DDX6: variants seen among roughly 807,000 people sequenced by gnomAD.
DDX6 encodes the protein probable ATP-dependent RNA helicase DDX6.
In DDX6, 7 loss-of-function variants were observed where a neutral mutation model predicts 60.6. The observed-to-expected ratio is 0.12, with a 90% CI of 0.07 to 0.22. DDX6 has a LOEUF of 0.22. Ranked by LOEUF, DDX6 falls within the 10% of genes least tolerant of loss-of-function variation. The pLI is 1.00. For synonymous variants in DDX6, 207 were observed against 201.0 expected (o/e 1.03, Z -0.25); for missense variants, 270 against 589.9 (o/e 0.46, Z 5.62).
At chr11:118,752,434 TTTAAC>T (rs1179568078) in intron 13 of DDX6, among the ~76,000 whole-genome samples, 2 of 152,144 alleles carry the variant, frequency 1.3e-5, no homozygotes, top group Non-Finnish European at 2.9e-5. Context: ...GTGTTTGATG[TTTAAC>T]TTAAGGAAAA....
At chr11:118,780,995 G>C in intron 3 of DDX6, 126 bp downstream of exon 3, 1 of 617,318 alleles carries the variant, frequency 1.6e-6, no homozygotes. Flanking sequence ...ATCTTACTGG[G>C]TTGGAGGAGG....
intron 9 of DDX6, 41 bp downstream of exon 9, chr11:118,758,733 A>C: frequency 6.2e-7 from 1 of 1,605,274 alleles, no homozygotes; most frequent in African/African-American, 1.3e-5. Context: ...TTTTACTGGG[A>C]CTCGAGAGAT....
intron 7 of DDX6, among the ~76,000 whole-genome samples, chr11:118,760,396 G>A (rs918561042): frequency 2.6e-5 from 4 of 152,142 alleles, no homozygotes; most frequent in African/African-American, 9.7e-5. Context: ...TGAACTTCCT[G>A]GGCTCAAGTG....
At chr11:118,760,471 C>T (rs116050734) in intron 7 of DDX6, among the ~76,000 whole-genome samples, 15 of 152,230 alleles carry the variant, frequency 9.9e-5, no homozygotes, top group African/African-American at 3.4e-4. Context: ...CCCAGCTCCA[C>T]AACAGAATTT....
At chr11:118,773,905 T>G (rs1591912015) in intron 4 of DDX6, among the ~76,000 whole-genome samples, 1 of 151,362 alleles carries the variant, frequency 6.6e-6, no homozygotes, top group South Asian at 2.1e-4. Flanking sequence ...AACCTTTGAG[T>G]TTTTAGGAAA....
At chr11:118,780,840 G>C (rs1268442845) in intron 3 of DDX6, among the ~76,000 whole-genome samples, 1 of 152,092 alleles carries the variant, frequency 6.6e-6, no homozygotes, top group African/African-American at 2.4e-5. Context: ...CCCCCCTATT[G>C]ATGATAAGCA....
chr11:118,786,411 C>G lies in DDX6; in HGVS notation c.-160G>C. 3.8e-6 allele frequency: 2 copies of G among 520,470 alleles called. No individual in the cohort carries two copies. The highest frequency in any genetic ancestry group is 6.5e-6 in the Non-Finnish European group (2 of 307,738). The allele number at this position is 520,470 out of a possible 1,614,324, so 32.2% of individuals were successfully genotyped here. A position where few individuals can be genotyped will look rare whatever the true frequency, so the allele number is the denominator to read the frequency against. The stretch of plus-strand genomic sequence containing the variant: ...GCAATGCAGGCAAGCACCTGTAAGT[C>G]TCTGAACGGTAAGCAGCAGTAACTT... On this transcript the variant is annotated 5_prime_UTR_variant, in exon 2 of 14. Coordinates refer to ENST00000534980, the MANE Select transcript of DDX6 (RefSeq NM_004397.6).
chr11:118,760,158 CT>C, intron 7 of DDX6, 114 bp from the exon 8 acceptor site: 1 of 1,014,068 alleles, frequency 9.9e-7, no homozygotes, highest in Non-Finnish European at 1.4e-6. Flanking sequence ...TGAAATGTTC[CT>C]GGTGGAAAAC....
At chr11:118,789,395 A>T (rs1862191260) in intron 1 of DDX6, 1 of 152,090 alleles carries the variant, frequency 6.6e-6, no homozygotes, top group Non-Finnish European at 1.5e-5. Context: ...TACATTTCTT[A>T]TATAAAATAC....
intron 4 of DDX6, among the ~76,000 whole-genome samples, chr11:118,779,049 A>T (rs1555164137): frequency 6.6e-6 from 1 of 150,886 alleles, no homozygotes; most frequent in Non-Finnish European, 1.5e-5. Flanking sequence ...CCCAGCTACT[A>T]GGAGGCTGAC....
At position 118,755,381 on chromosome 11, in the gene DDX6, TATCAC is replaced by T; in HGVS notation, c.1276+16_1276+20del. 6.7e-7 allele frequency: 1 copy of T among 1,485,414 alleles called. No homozygotes were observed. The highest frequency in any genetic ancestry group is 9.4e-7 in the Non-Finnish European group (1 of 1,066,450). The allele number at this position is 1,485,414 out of a possible 1,614,324, so 92.0% of individuals were successfully genotyped here. A position where few individuals can be genotyped will look rare whatever the true frequency, so the allele number is the denominator to read the frequency against. The stretch of plus-strand genomic sequence containing the variant: ...CTCAAAAAAGAACTTCTACCAAGAA[TATCAC>T]CTCTTTTTTCCTCACCTGATCTTCC... On this transcript the variant is annotated intron_variant, in intron 12 of 13. Coordinates refer to ENST00000534980, the MANE Select transcript of DDX6 (RefSeq NM_004397.6).
chr11:118,780,901 G>A (rs556089972), intron 3 of DDX6, among the ~76,000 whole-genome samples: 12 of 152,174 alleles, frequency 7.9e-5, no homozygotes, highest in Admixed American at 1.3e-4. Context: ...AAATTCTCCC[G>A]GTTGAAAACA....
intron 2 of DDX6, among the ~76,000 whole-genome samples, chr11:118,781,579 CA>C (rs1347735398): frequency 6.6e-6 from 1 of 152,166 alleles, no homozygotes; most frequent in Non-Finnish European, 1.5e-5. Context: ...CTCGGCCTCC[CA>C]AAGTGATAGG....
chr11:118,776,850 G>GA (rs1175342994), intron 4 of DDX6, among the ~76,000 whole-genome samples: 27 of 146,954 alleles, frequency 1.8e-4, no homozygotes, highest in South Asian at 1.1e-3. Context: ...AAAAAAGAAA[G>GA]AAAAAAAAAG....
chr11:118,784,647 C>T (rs7934890), intron 2 of DDX6, among the ~76,000 whole-genome samples: 33,735 of 151,878 alleles, frequency 0.22, 3,934 homozygotes, highest in South Asian at 0.33. Context: ...TTAGTAAAGA[C>T]AGGGTTTCAC....
At chr11:118,769,159 T>C (rs2137479877) in intron 4 of DDX6, among the ~76,000 whole-genome samples, 1 of 151,948 alleles carries the variant, frequency 6.6e-6, no homozygotes, top group Non-Finnish European at 1.5e-5. Flanking sequence ...ACAAAAACAA[T>C]TCCAAGGTAA....
At chr11:118,765,101 G>T in intron 6 of DDX6, 108 bp downstream of exon 6, 1 of 1,283,800 alleles carries the variant, frequency 7.8e-7, no homozygotes, top group Non-Finnish European at 1.1e-6. Context: ...TTTTCTTACT[G>T]CAGTATTTCT....
At chr11:118,768,974 CCTCGT>C (rs1415193003) in intron 4 of DDX6, among the ~76,000 whole-genome samples, 1 of 103,368 alleles carries the variant, frequency 9.7e-6, no homozygotes, top group Admixed American at 1.5e-4. Context: ...ATGAAAGAGA[CCTCGT>C]CTCATCTCAA....
chr11:118,780,640 T>C (rs542060917), intron 3 of DDX6, among the ~76,000 whole-genome samples: 1 of 152,260 alleles, frequency 6.6e-6, no homozygotes, highest in Non-Finnish European at 1.5e-5. Flanking sequence ...TCCTAAGGAC[T>C]GGTGGAATAG....
Sources: gnomAD v4.1 joint callset for allele counts (sites outside exome capture counted in the v4.1 genomes callset) on GRCh38, gnomAD v4.1.1 for gene constraint, MANE v1.5 for transcripts, NCBI Gene and HGNC (gene_info 2026-07-23, HGNC 2026-07-21) for gene names.